Variants in MAP7D2 observed in about 807,000 individuals in gnomAD.
MAP7D2 encodes the protein MAP7 domain containing 2, also known as MAP7 domain-containing protein 2.
In MAP7D2, 33 loss-of-function variants were observed where a neutral mutation model predicts 63.5. That is an observed-to-expected ratio of 0.52 (90% CI 0.39 to 0.70). The LOEUF is 0.70. MAP7D2 is among the 30% of genes least tolerant of loss of function. The pLI is 0.00. For missense variants in MAP7D2, 626 were observed against 604.0 expected (o/e 1.04, Z -0.38); for synonymous variants, 224 against 223.7 (o/e 1.00, Z -0.01).
In MAP7D2 at chrX:20,035,907, C is replaced by T. The variant is rs1035319595; in HGVS notation, c.1007+6595G>A. On this transcript the variant is annotated intron_variant, in intron 8 of 16. Coordinates refer to ENST00000379643, the MANE Select transcript of MAP7D2 (RefSeq NM_001168465.2). ...CAGCCTGGGCGACAGAGCAAGACTCCGTCTCAAAAAAAATATATATGTGTG... is the reference window on the plus strand; with the variant it reads ...CAGCCTGGGCGACAGAGCAAGACTCTGTCTCAAAAAAAATATATATGTGTG... 9.0e-5 allele frequency among the ~76,000 whole-genome samples: 8 copies of T among 88,801 alleles called. No homozygotes were observed. The Admixed American group carries it at 9.6e-4, about 11-fold the overall frequency. 77.1% of individuals were successfully genotyped at this position (88,801 alleles called of 115,157 possible).
At chrX:20,102,821 T>A in intron 1 of MAP7D2, among the ~76,000 whole-genome samples, 1 of 107,631 alleles carries the variant, frequency 9.3e-6, no homozygotes, top group Admixed American at 1.0e-4. Context: ...ATCCCACTAA[T>A]GAGAAGGGTA....
chrX:20,042,174 A>G (rs1265375046), intron 8 of MAP7D2, among the ~76,000 whole-genome samples: 2 of 111,904 alleles, frequency 1.8e-5, no homozygotes, highest in African/African-American at 3.2e-5. Flanking sequence ...CCCAAGCCCA[A>G]TGCAATCACT....
At chrX:20,032,461 ACCAAAGGGATAG>A (rs1466508591) in intron 8 of MAP7D2, among the ~76,000 whole-genome samples, 1 of 110,908 alleles carries the variant, frequency 9.0e-6, no homozygotes, top group East Asian at 2.8e-4. Flanking sequence ...GTCCTCAGCC[ACCAAAGGGATAG>A]CCTGGGTCTG....
At chrX:20,085,100 T>C (rs766333682) in intron 1 of MAP7D2, among the ~76,000 whole-genome samples, 11 of 112,045 alleles carry the variant, frequency 9.8e-5, no homozygotes, top group Middle Eastern at 9.2e-3. Context: ...ACACGCCATC[T>C]GCCTTCATAT....
chrX:20,063,387 G>A (rs2065269899), intron 3 of MAP7D2, 27 bp downstream of exon 3: 2 of 1,199,956 alleles, frequency 1.7e-6, no homozygotes, highest in Non-Finnish European at 2.2e-6. Context: ...GGGCTGGAAG[G>A]TGGCGGAGGG....
At chrX:20,083,173 T>C (rs972146336) in intron 1 of MAP7D2, among the ~76,000 whole-genome samples, 1 of 112,451 alleles carries the variant, frequency 8.9e-6, no homozygotes, top group Admixed American at 9.4e-5. Flanking sequence ...AAAGTTGATT[T>C]TGAAAATAGT....
intron 8 of MAP7D2, among the ~76,000 whole-genome samples, chrX:20,040,515 T>C (rs2064625565): frequency 8.9e-6 from 1 of 111,761 alleles, no homozygotes; most frequent in Non-Finnish European, 1.9e-5. Context: ...GCTCAATCAT[T>C]TCTAGCTTTT....
intron 1 of MAP7D2, among the ~76,000 whole-genome samples, chrX:20,084,564 T>TCC (rs1430599755): frequency 6.2e-4 from 7 of 11,213 alleles, no homozygotes; most frequent in East Asian, 0.011. Flanking sequence ...TCCCTCCCTC[T>TCC]CTCTCTCTCT....
At chrX:20,077,489 AGTTCCGCAGGACCT>A (rs1422048581) in intron 1 of MAP7D2, among the ~76,000 whole-genome samples, 5 of 112,010 alleles carry the variant, frequency 4.5e-5, no homozygotes, top group Non-Finnish European at 9.4e-5. Flanking sequence ...AAAACAGGAA[AGTTCCGCAGGACCT>A]GCTCTAAGCT....
At position 20,024,989 on chromosome X, in the gene MAP7D2, C is replaced by T. The variant is rs1248938965; in HGVS notation, c.1374G>A (p.Gln458=). 1 of 1,211,921 alleles carries T rather than the reference C, an allele frequency of 8.3e-7. No homozygotes were observed. Among genetic ancestry groups the T allele is most frequent in the South Asian group, 1.8e-5 (1 of 56,974 alleles). The change falls in exon 10 of 17, where the codon CAG becomes CAA. Residue 458 remains glutamine, a synonymous_variant. Transcript: ENST00000379643. The part of the protein sequence containing the change: ...KRRQARLQKE[Q]EEQERLEKEE... ...CCTTCTCCAGTCGTTCTTGCTCCTC[C>T]TGTTCCTTCTGCAGCCGGGCCTGTC...
At chrX:20,070,012 G>T (rs960637570) in intron 1 of MAP7D2, among the ~76,000 whole-genome samples, 1 of 111,277 alleles carries the variant, frequency 9.0e-6, no homozygotes, top group African/African-American at 3.3e-5. Flanking sequence ...GCAGTGGTGC[G>T]ATCTTGGCTC....
At chrX:20,015,044 C>T (rs994661042) in intron 12 of MAP7D2, among the ~76,000 whole-genome samples, 179 bp downstream of exon 12, 2 of 111,690 alleles carry the variant, frequency 1.8e-5, no homozygotes, top group Non-Finnish European at 3.8e-5. Flanking sequence ...CAATCTTTCT[C>T]AATCACTGAT....
intron 8 of MAP7D2, among the ~76,000 whole-genome samples, chrX:20,027,329 G>GT (rs1230218401): frequency 1.8e-5 from 2 of 112,382 alleles, no homozygotes; most frequent in African/African-American, 6.5e-5. Context: ...CAATCAGGTG[G>GT]TTTTTTCCAG....
chrX:20,037,486 A>T (rs1031398922), intron 8 of MAP7D2, among the ~76,000 whole-genome samples: 1 of 111,694 alleles, frequency 9.0e-6, no homozygotes, highest in Non-Finnish European at 1.9e-5. Context: ...CCTGATTTAC[A>T]GATGGCTGTG....
At chrX:20,093,903 T>A (rs1248286672) in intron 1 of MAP7D2, among the ~76,000 whole-genome samples, 4 of 110,119 alleles carry the variant, frequency 3.6e-5, no homozygotes, top group Admixed American at 9.7e-5. Context: ...GTATGACGTA[T>A]TAAAAAAAGA....
At chrX:20,079,687 C>T (rs2065730053) in intron 1 of MAP7D2, among the ~76,000 whole-genome samples, 1 of 112,064 alleles carries the variant, frequency 8.9e-6, no homozygotes, top group Non-Finnish European at 1.9e-5. Context: ...TTACTACCTA[C>T]ATCCCAAGGT....
chrX:20,105,977 T>C (rs1002332452), intron 1 of MAP7D2, among the ~76,000 whole-genome samples: 3 of 111,754 alleles, frequency 2.7e-5, no homozygotes, highest in Non-Finnish European at 3.8e-5. Context: ...GTGAGGGCCT[T>C]CTTCTTGCAT....
intron 1 of MAP7D2, among the ~76,000 whole-genome samples, chrX:20,067,349 C>A (rs1405412707): frequency 8.9e-6 from 1 of 112,378 alleles, no homozygotes; most frequent in Non-Finnish European, 1.9e-5. Context: ...CACAGACATG[C>A]ATGATTTTAG....
At chrX:20,109,161 C>A (rs1367317156) in intron 1 of MAP7D2, among the ~76,000 whole-genome samples, 1 of 107,689 alleles carries the variant, frequency 9.3e-6, no homozygotes, top group Non-Finnish European at 1.9e-5. Flanking sequence ...ATGTGGGAGA[C>A]ACAGCTCATG....
Sources: gnomAD v4.1 joint callset for allele counts (sites outside exome capture counted in the v4.1 genomes callset) on GRCh38, gnomAD v4.1.1 for gene constraint, MANE v1.5 for transcripts, NCBI Gene and HGNC (gene_info 2026-07-23, HGNC 2026-07-21) for gene names.